The following RBM47 variants were observed in gnomAD, a reference collection of about 807,000 sequenced individuals.
RBM47 encodes the protein RNA binding motif protein 47, also known as RNA-binding protein 47.
In RBM47, 21 loss-of-function variants were observed where a neutral mutation model predicts 47.1. The ratio of observed to expected loss-of-function variants is 0.45; its 90% CI spans 0.32 to 0.64. The LOEUF is 0.64. Ranked by LOEUF, RBM47 falls within the 30% of genes least tolerant of loss-of-function variation. RBM47 has a pLI of 0.05. For synonymous variants in RBM47, 375 were observed against 361.7 expected, an observed-to-expected ratio of 1.04 and a Z score of -0.42; for missense variants, 708 against 870.9, an observed-to-expected ratio of 0.81 and a Z score of 2.35.
At chr4:40,589,467 G>C (rs955461338) in intron 1 of RBM47, among the ~76,000 whole-genome samples, 1 of 151,494 alleles carries the variant, frequency 6.6e-6, no homozygotes, top group Non-Finnish European at 1.5e-5. Flanking sequence ...CTGTCTCCCA[G>C]AGCCTGCTTT....
intron 1 of RBM47, among the ~76,000 whole-genome samples, chr4:40,622,888 TAA>T (rs549917118): frequency 4.9e-4 from 74 of 151,996 alleles, no homozygotes; most frequent in Non-Finnish European, 9.6e-4. Context: ...TCTCAAAAAA[TAA>T]AAGAGTCACT....
At chr4:40,577,374 C>A (rs1481870800) in intron 1 of RBM47, among the ~76,000 whole-genome samples, 1 of 152,096 alleles carries the variant, frequency 6.6e-6, no homozygotes, top group Non-Finnish European at 1.5e-5. Flanking sequence ...TGTCAAGAGT[C>A]CTCAGCAACA....
At chr4:40,622,930 G>C (rs897258741) in intron 1 of RBM47, among the ~76,000 whole-genome samples, 1 of 152,146 alleles carries the variant, frequency 6.6e-6, no homozygotes, top group African/African-American at 2.4e-5. Context: ...AGGAGTGTGC[G>C]GGGAGAGCGG....
chr4:40,432,364 T>C (rs1225437248), intron 6 of RBM47, among the ~76,000 whole-genome samples: 1 of 152,060 alleles, frequency 6.6e-6, no homozygotes, highest in East Asian at 1.9e-4. Flanking sequence ...AATTATCCAG[T>C]GCTATTTTAA....
intron 1 of RBM47, among the ~76,000 whole-genome samples, chr4:40,600,985 C>CAATAAAAAAAAAAAAAAAAA (rs1735218415): frequency 2.0e-5 from 1 of 50,130 alleles, no homozygotes; most frequent in African/African-American, 6.9e-5. Flanking sequence ...AACTCCGTCT[C>CAATAAAAAAAAAAAAAAAAA]AAAAAAAAAA....
chr4:40,512,727 A>AG (rs1307433347), intron 2 of RBM47, among the ~76,000 whole-genome samples: 15 of 151,632 alleles, frequency 9.9e-5, no homozygotes, highest in Non-Finnish European at 2.1e-4. Context: ...AAAAAAAAAA[A>AG]AAAGAAAGAA....
At chr4:40,617,483 T>C (rs1045156746) in intron 1 of RBM47, among the ~76,000 whole-genome samples, 52 of 151,860 alleles carry the variant, frequency 3.4e-4, no homozygotes, top group Non-Finnish European at 6.8e-4. Context: ...CGCTTGAACC[T>C]GGGAGGCAGA....
At chr4:40,531,027 A>T (rs2154259383) in intron 2 of RBM47, among the ~76,000 whole-genome samples, 1 of 152,296 alleles carries the variant, frequency 6.6e-6, no homozygotes, top group Admixed American at 6.5e-5. Flanking sequence ...TGAGCCCTGG[A>T]GGTAGAAGCT....
chr4:40,469,193 C>T (rs749537463), intron 2 of RBM47, among the ~76,000 whole-genome samples: 11 of 152,132 alleles, frequency 7.2e-5, no homozygotes, highest in Admixed American at 1.3e-4. Context: ...AAATGTAATA[C>T]CAAGGTAATG....
At chr4:40,505,615 C>T (rs1197071173) in intron 2 of RBM47, among the ~76,000 whole-genome samples, 5 of 151,604 alleles carry the variant, frequency 3.3e-5, no homozygotes, top group Non-Finnish European at 4.4e-5. Context: ...TGGCTGGACG[C>T]GGTGGCTCAC....
chr4:40,461,210 A>G (rs985863827), intron 3 of RBM47, among the ~76,000 whole-genome samples: 2 of 152,174 alleles, frequency 1.3e-5, no homozygotes, highest in Non-Finnish European at 2.9e-5. Context: ...ATTGCTATTC[A>G]TGTCTCGCGT....
intron 1 of RBM47, among the ~76,000 whole-genome samples, chr4:40,558,281 T>C (rs1730282329): frequency 6.6e-6 from 1 of 152,190 alleles, no homozygotes; most frequent in African/African-American, 2.4e-5. Context: ...CTGTGAACTT[T>C]TGGTCTGTCA....
chr4:40,489,734 CA>C (rs1721596530), intron 2 of RBM47, among the ~76,000 whole-genome samples: 1 of 152,136 alleles, frequency 6.6e-6, no homozygotes, highest in African/African-American at 2.4e-5. Context: ...AGGATTCTAT[CA>C]AATGTTTTAA....
At chr4:40,434,798 ACC>A (rs766829887) in intron 5 of RBM47, among the ~76,000 whole-genome samples, 3 of 151,938 alleles carry the variant, frequency 2.0e-5, no homozygotes, top group Non-Finnish European at 2.9e-5. Flanking sequence ...GCCAATGTGT[ACC>A]TATGTCCCAA....
intron 2 of RBM47, among the ~76,000 whole-genome samples, chr4:40,483,141 C>G (rs529538995): frequency 1.7e-4 from 26 of 152,248 alleles, no homozygotes; most frequent in African/African-American, 5.8e-4. Context: ...CTAAAATTAG[C>G]GAGGAGTATA....
chr4:40,469,220 G>T (rs1718486664), intron 2 of RBM47, among the ~76,000 whole-genome samples: 1 of 152,080 alleles, frequency 6.6e-6, no homozygotes, highest in Admixed American at 6.5e-5. Context: ...TAAACTCTAA[G>T]AATTGAAAGC....
At chr4:40,600,283 C>T (rs1486193837) in intron 1 of RBM47, among the ~76,000 whole-genome samples, 1 of 151,444 alleles carries the variant, frequency 6.6e-6, no homozygotes. Context: ...AAAGTGTTGG[C>T]GTTACAGGTA....
intron 2 of RBM47, among the ~76,000 whole-genome samples, chr4:40,489,458 C>T (rs1721563253): frequency 6.6e-6 from 1 of 152,080 alleles, no homozygotes; most frequent in Admixed American, 6.5e-5. Flanking sequence ...TGAAAAGACT[C>T]AACTTACTAA....
chr4:40,584,473 A>C (rs1733341073), intron 1 of RBM47, among the ~76,000 whole-genome samples: 1 of 152,252 alleles, frequency 6.6e-6, no homozygotes, highest in South Asian at 2.1e-4. Context: ...CAATTTTAAT[A>C]ATATATTTCA....
Sources: gnomAD v4.1 joint callset for allele counts (sites outside exome capture counted in the v4.1 genomes callset) on GRCh38, gnomAD v4.1.1 for gene constraint, MANE v1.5 for transcripts, NCBI Gene and HGNC (gene_info 2026-07-23, HGNC 2026-07-21) for gene names.